The following KANK1 variants were observed in gnomAD, a reference collection of about 807,000 sequenced individuals.
KANK1 encodes the protein KN motif and ankyrin repeat domain-containing protein 1.
A neutral mutation model predicts 106.2 loss-of-function variants in KANK1; 109 were observed. That is an observed-to-expected ratio of 1.03 (90% CI 0.88 to 1.20). KANK1 has a LOEUF of 1.20. Ranked by LOEUF, KANK1 falls within the 50% of genes most tolerant of loss-of-function variation. The pLI, the probability that KANK1 is intolerant of heterozygous loss-of-function variation, is 0.00. For missense variants in KANK1, 2,399 were observed against 1,710.7 expected (o/e 1.40, Z -7.10); for synonymous variants, 873 against 652.2 (o/e 1.34, Z -5.16).
chr9:626,077 T>C (rs939351188), intron 1 of KANK1, among the ~76,000 whole-genome samples: 2 of 152,162 alleles, frequency 1.3e-5, no homozygotes, highest in African/African-American at 4.8e-5. Flanking sequence ...TATCCCAGCT[T>C]CAATTCCTCA....
intron 1 of KANK1, among the ~76,000 whole-genome samples, chr9:635,401 C>T (rs541757463): frequency 6.6e-6 from 1 of 152,148 alleles, no homozygotes; most frequent in Admixed American, 6.5e-5. Context: ...GGCATGCCTG[C>T]GCTGCTCTCT....
chr9:696,902 G>A (rs1416077771), intron 2 of KANK1, among the ~76,000 whole-genome samples: 1 of 152,140 alleles, frequency 6.6e-6, no homozygotes, highest in African/African-American at 2.4e-5. Context: ...CTCCCTAGTG[G>A]CAGGCTGACT....
Position 713,449 on chromosome 9 carries a change from C to G in KANK1, c.2683C>G (p.Leu895Val). The G allele has an allele frequency of 6.3e-7, 1 of 1,593,178 alleles. No individual in the cohort carries two copies. Among genetic ancestry groups the G allele is most frequent in the Non-Finnish European group, 8.5e-7 (1 of 1,171,186 alleles). Residue 895 changes from leucine (L) to valine (V), a missense_variant, in exon 3 of 12, where the codon CTG becomes GTG. Leu to Val is a conservative substitution (Grantham distance 32). Transcript: ENST00000382297. ...GAACCCTGACTTCCAGAAAACCAGT[C>G]TGGGTAAAATCACAGGTAGGTGGTA... Reference protein sequence around the residue: ...LRNPDFQKTSLGKITGNYLGY... With the variant: ...LRNPDFQKTSVGKITGNYLGY...
chr9:744,422 C>G, intron 10 of KANK1, 69 bp from the exon 11 acceptor site: 1 of 1,536,170 alleles, frequency 6.5e-7, no homozygotes, highest in Non-Finnish European at 8.9e-7. Flanking sequence ...GTGTTTTGTT[C>G]TGTTACCTTT....
At chr9:736,261 A>G (rs377230514) in intron 7 of KANK1, among the ~76,000 whole-genome samples, 1 of 152,278 alleles carries the variant, frequency 6.6e-6, no homozygotes, top group African/African-American at 2.4e-5. Flanking sequence ...GCCTGGCCTC[A>G]AAAACTTAAC....
chr9:559,644 G>C (rs1815853724), intron 1 of KANK1, among the ~76,000 whole-genome samples: 1 of 152,178 alleles, frequency 6.6e-6, no homozygotes, highest in African/African-American at 2.4e-5. Context: ...TTCAAGACGG[G>C]AGAAGGGTGA....
chr9:568,941 T>A (rs892200338), intron 1 of KANK1, among the ~76,000 whole-genome samples: 5 of 152,184 alleles, frequency 3.3e-5, no homozygotes, highest in African/African-American at 4.8e-5. Flanking sequence ...ATTTCCACAC[T>A]CATCGGGGTA....
chr9:741,732 C>G (rs1835615416), intron 9 of KANK1, among the ~76,000 whole-genome samples: 2 of 152,068 alleles, frequency 1.3e-5, no homozygotes, highest in South Asian at 2.1e-4. Context: ...CATGATCCAC[C>G]TGACTCAGCC....
chr9:739,112 A>G (rs1197987904), intron 8 of KANK1, among the ~76,000 whole-genome samples: 1 of 152,188 alleles, frequency 6.6e-6, no homozygotes, highest in Non-Finnish European at 1.5e-5. Flanking sequence ...TTATCCCAGA[A>G]TAGAGCCAGT....
intron 1 of KANK1, among the ~76,000 whole-genome samples, chr9:587,641 TG>T (rs1307856357): frequency 1.3e-5 from 2 of 152,230 alleles, no homozygotes; most frequent in Non-Finnish European, 2.9e-5. Flanking sequence ...TCTCTATTTT[TG>T]CAACTTGAGT....
At chr9:723,891 G>A (rs1210298545) in intron 3 of KANK1, among the ~76,000 whole-genome samples, 4 of 149,600 alleles carry the variant, frequency 2.7e-5, no homozygotes, top group Admixed American at 6.7e-5. Context: ...CCAGCAGTTC[G>A]AGACTAGCCT....
chr9:701,746 T>G (rs1266835539), intron 2 of KANK1, among the ~76,000 whole-genome samples: 2 of 152,212 alleles, frequency 1.3e-5, no homozygotes, highest in African/African-American at 4.8e-5. Context: ...AGCAGGTTAG[T>G]ACTCGACTAG....
At chr9:486,189 A>G (rs1179504672) in intron 3 of KANK1, among the ~76,000 whole-genome samples, 1 of 152,234 alleles carries the variant, frequency 6.6e-6, no homozygotes, top group African/African-American at 2.4e-5. Flanking sequence ...GGATTATTTT[A>G]CATATGATCA....
chr9:511,631 A>G (rs987685478), intron 1 of KANK1, among the ~76,000 whole-genome samples: 24 of 152,184 alleles, frequency 1.6e-4, no homozygotes, highest in African/African-American at 5.8e-4. Flanking sequence ...TAAGTTTTAT[A>G]CATGTTTGCT....
At chr9:653,774 AAAAG>A (rs1002124653) in intron 1 of KANK1, among the ~76,000 whole-genome samples, 1 of 152,192 alleles carries the variant, frequency 6.6e-6, no homozygotes, top group African/African-American at 2.4e-5. Flanking sequence ...CTTCAAATAA[AAAAG>A]AAGGAGAGGA....
intron 1 of KANK1, among the ~76,000 whole-genome samples, chr9:516,515 G>T (rs1563700978): frequency 6.6e-6 from 1 of 151,640 alleles, no homozygotes; most frequent in Non-Finnish European, 1.5e-5. Flanking sequence ...ACTTAGTGAT[G>T]TTCTTTCTGG....
intron 2 of KANK1, among the ~76,000 whole-genome samples, chr9:471,262 T>C (rs2058015326): frequency 6.6e-6 from 1 of 152,102 alleles, no homozygotes; most frequent in Non-Finnish European, 1.5e-5. Flanking sequence ...GAGTGGAATG[T>C]GCAGGAAGGG....
chr9:483,516 A>G (rs769705710), intron 3 of KANK1, among the ~76,000 whole-genome samples: 70 of 152,290 alleles, frequency 4.6e-4, no homozygotes, highest in Middle Eastern at 3.4e-3. Flanking sequence ...TGACACACCT[A>G]TGAGTCTTAG....
At chr9:693,431 G>C (rs765777158) in intron 2 of KANK1, 221 of 985,272 alleles carry the variant, frequency 2.2e-4, no homozygotes, top group Non-Finnish European at 2.6e-4. Context: ...AGAATTAACA[G>C]GCTTACAGCT....
Sources: gnomAD v4.1 joint callset for allele counts (sites outside exome capture counted in the v4.1 genomes callset) on GRCh38, gnomAD v4.1.1 for gene constraint, MANE v1.5 for transcripts, NCBI Gene and HGNC (gene_info 2026-07-23, HGNC 2026-07-21) for gene names.